The following LYN variants were observed in gnomAD, a reference collection of about 807,000 sequenced individuals.
LYN encodes tyrosine-protein kinase Lyn.
A neutral mutation model predicts 65.0 loss-of-function variants in LYN; 12 were observed. That is an observed-to-expected ratio of 0.18 (90% CI 0.12 to 0.30). The LOEUF is 0.30. Among genes scored for constraint, LYN ranks in the 10% least tolerant of loss-of-function variants. The pLI is 1.00. For synonymous variants in LYN, 222 were observed against 221.2 expected (o/e 1.00, Z -0.03); for missense variants, 380 against 623.2 (o/e 0.61, Z 4.16).
At chr8:55,996,129 A>C (rs1808365466) in intron 10 of LYN, among the ~76,000 whole-genome samples, 2 of 152,228 alleles carry the variant, frequency 1.3e-5, no homozygotes, top group Admixed American at 1.3e-4. Flanking sequence ...GGCTAACATG[A>C]CACCACTGAG....
chr8:55,966,521 C>T (rs1161727275), intron 8 of LYN, among the ~76,000 whole-genome samples, 194 bp from the exon 9 acceptor site: 1 of 152,100 alleles, frequency 6.6e-6, no homozygotes, highest in East Asian at 1.9e-4. Flanking sequence ...GCGCCTGCCA[C>T]CACACCCAGC....
chr8:56,004,021 C>T (rs1346454649), intron 12 of LYN, among the ~76,000 whole-genome samples: 1 of 148,680 alleles, frequency 6.7e-6, no homozygotes, highest in African/African-American at 2.5e-5. Context: ...CAACCTCCTC[C>T]TTCTGAGTTC....
At chr8:56,000,053 CTTATT>C (rs1451935971) in intron 12 of LYN, among the ~76,000 whole-genome samples, 2 of 152,096 alleles carry the variant, frequency 1.3e-5, no homozygotes, top group Non-Finnish European at 2.9e-5. Context: ...TCTTTGCCTC[CTTATT>C]TTGAGTGTGT....
At chr8:55,979,738 C>T (rs1807864368) in intron 10 of LYN, among the ~76,000 whole-genome samples, 1 of 152,210 alleles carries the variant, frequency 6.6e-6, no homozygotes, top group Admixed American at 6.5e-5. Flanking sequence ...TTCAGCGTCA[C>T]CCCAGGAAAT....
chr8:55,896,991 T>G (rs906545115), intron 1 of LYN, among the ~76,000 whole-genome samples: 2 of 152,174 alleles, frequency 1.3e-5, no homozygotes, highest in Non-Finnish European at 2.9e-5. Context: ...CCGCCTGCCT[T>G]GGCCTCCCAA....
chr8:56,007,809 A>G (rs1050593660), intron 12 of LYN, among the ~76,000 whole-genome samples: 3 of 152,146 alleles, frequency 2.0e-5, no homozygotes, highest in Non-Finnish European at 4.4e-5. Flanking sequence ...TTATTCTGTT[A>G]TAATTCATTT....
intron 1 of LYN, among the ~76,000 whole-genome samples, chr8:55,898,674 G>A (rs1004054766): frequency 2.0e-5 from 3 of 152,178 alleles, no homozygotes; most frequent in African/African-American, 7.2e-5. Context: ...TATGTTCACA[G>A]AGTTGTGCAA....
intron 1 of LYN, among the ~76,000 whole-genome samples, chr8:55,932,480 G>GGT (rs1407334200): frequency 1.3e-5 from 2 of 151,850 alleles, no homozygotes; most frequent in Non-Finnish European, 2.9e-5. Context: ...GGAGTACAGT[G>GGT]GTGCTATCTT....
At chr8:55,946,371 A>C in intron 2 of LYN, 77 bp from the exon 3 acceptor site, 7 of 941,288 alleles carry the variant, frequency 7.4e-6, no homozygotes, top group Non-Finnish European at 1.2e-5. Flanking sequence ...TACTGTTACA[A>C]AAATCATATA....
chr8:55,937,450 AT>A (rs1488217921), intron 1 of LYN, among the ~76,000 whole-genome samples: 1 of 152,174 alleles, frequency 6.6e-6, no homozygotes, highest in Admixed American at 6.5e-5. Context: ...CCCACTCATA[AT>A]GTGTCACTTT....
rs1282375528 is a variant in LYN, at chr8:56,011,677, G to C, written c.*1567G>C. 5.2e-6 allele frequency: 1 copy of C among 194,132 alleles called. No individual in the cohort carries two copies. The highest frequency in any genetic ancestry group is 1.1e-5 in the Non-Finnish European group (1 of 93,342). The allele number at this position is 194,132 out of a possible 1,614,324, so 12.0% of individuals were successfully genotyped here. ...TAGGCTTGAGGTGCTTAGAAGATGG[G>C]ATAAAATATTCTACTTTTTTCTAAA... On this transcript the variant is annotated 3_prime_UTR_variant, in exon 13 of 13. Coordinates refer to ENST00000519728, the MANE Select transcript of LYN (RefSeq NM_002350.4).
intron 2 of LYN, among the ~76,000 whole-genome samples, chr8:55,945,631 A>C (rs980144967): frequency 6.6e-6 from 1 of 152,244 alleles, no homozygotes; most frequent in African/African-American, 2.4e-5. Context: ...AGAGGCCCAG[A>C]GGCCTCACAC....
chr8:56,008,893 C>A (rs555690555), intron 12 of LYN, among the ~76,000 whole-genome samples: 1 of 152,296 alleles, frequency 6.6e-6, no homozygotes, highest in Admixed American at 6.5e-5. Flanking sequence ...CAATTAATAT[C>A]TTGCTCTTAA....
intron 8 of LYN, among the ~76,000 whole-genome samples, chr8:55,958,142 A>C (rs945144493): frequency 6.6e-6 from 1 of 152,144 alleles, no homozygotes; most frequent in Non-Finnish European, 1.5e-5. Flanking sequence ...GTAAGGTGTA[A>C]GTCTGCACTA....
At chr8:55,998,751 A>G (rs551236875) in intron 11 of LYN, among the ~76,000 whole-genome samples, 2 of 152,386 alleles carry the variant, frequency 1.3e-5, no homozygotes, top group East Asian at 3.9e-4. Flanking sequence ...AGCAATGCAA[A>G]ACACAAATAG....
intron 10 of LYN, 64 bp from the exon 11 acceptor site, chr8:55,998,282 C>A: frequency 5.2e-6 from 7 of 1,358,314 alleles, no homozygotes; most frequent in Non-Finnish European, 7.3e-6. Context: ...TTCCGGTTTT[C>A]CTTGATGGCA....
chr8:55,909,997 T>A (rs1248624756), intron 1 of LYN, among the ~76,000 whole-genome samples: 1 of 15,272 alleles, frequency 6.5e-5, no homozygotes, highest in African/African-American at 2.2e-4. Flanking sequence ...GTGTGTCTTT[T>A]TTTTTTTTTT....
At chr8:55,965,593 A>T (rs1391486547) in intron 8 of LYN, among the ~76,000 whole-genome samples, 1 of 152,214 alleles carries the variant, frequency 6.6e-6, no homozygotes, top group Non-Finnish European at 1.5e-5. Context: ...AATCGCTCGT[A>T]ATCACACCAT....
At chr8:55,986,577 T>C (rs16920176) in intron 10 of LYN, among the ~76,000 whole-genome samples, 16,501 of 152,186 alleles carry the variant, frequency 0.11, 1,769 homozygotes, top group African/African-American at 0.28. Flanking sequence ...TAAGGCATTG[T>C]GGGTCCTTGC....
Sources: allele counts gnomAD v4.1 joint callset (sites outside exome capture counted in the v4.1 genomes callset), GRCh38; gene constraint gnomAD v4.1.1; transcripts MANE v1.5; gene names NCBI Gene and HGNC (gene_info 2026-07-23, HGNC 2026-07-21).